Variants in SPEG observed in about 807,000 individuals in gnomAD.
The protein encoded by SPEG is striated muscle preferentially expressed protein kinase.
In SPEG, 114 loss-of-function variants were observed where a neutral mutation model predicts 300.4. That is an observed-to-expected ratio of 0.38 (90% CI 0.33 to 0.44). SPEG has a LOEUF of 0.44. SPEG is among the 20% of genes least tolerant of loss of function. The pLI is 1.00. For missense variants in SPEG, 4,201 were observed against 4,586.2 expected (o/e 0.92, Z 2.43); for synonymous variants, 1,964 against 2,018.9 (o/e 0.97, Z 0.73).
chr2:219,483,483 G>A lies in SPEG; in HGVS notation c.6020G>A (p.Arg2007Gln), dbSNP rs747077634. 7.6e-6 allele frequency: 11 copies of A among 1,453,884 alleles called. No individual in the cohort carries two copies. The highest frequency in any genetic ancestry group is 4.2e-5 in the South Asian group (3 of 71,362). The allele number at this position is 1,453,884 out of a possible 1,614,324, so 90.1% of individuals were successfully genotyped here. The change falls in exon 30 of 41, where the codon CGG becomes CAG. Residue 2007 changes from arginine (R) to glutamine (Q), a missense_variant. Physicochemically the swap from Arg to Gln is conservative, Grantham distance 43. Coordinates refer to ENST00000312358, the MANE Select transcript of SPEG (RefSeq NM_005876.5). ...QEPAAGASPR[R>Q]GELRRGSSAE... The stretch of plus-strand genomic sequence containing the variant: ...CCCGCAGCTGGGGCTAGCCCCAGGC[G>A]GGGAGAGCTCCGCAGGGGCAGCTCG...
At chr2:219,449,354 C>CG (rs1431938057) in intron 4 of SPEG, 83 bp downstream of exon 4, 13 of 1,131,552 alleles carry the variant, frequency 1.1e-5, no homozygotes, top group Middle Eastern at 6.4e-4. Flanking sequence ...CAGCAGGAGC[C>CG]GGGGGGTCGG....
At position 219,445,079 on chromosome 2, in the gene SPEG, T is replaced by A; in HGVS notation, c.733T>A (p.Ser245Thr). 1 of 1,604,806 alleles carries A rather than the reference T, an allele frequency of 6.2e-7. No homozygotes were observed. Among genetic ancestry groups the A allele is most frequent in the African/African-American group, 1.3e-5 (1 of 74,686 alleles). Reference protein sequence around the residue: ...RANLVGASWGSEDSLSVASDL... With the variant: ...RANLVGASWGTEDSLSVASDL... The stretch of plus-strand genomic sequence containing the variant: ...TAATCTGGTGGGCGCAAGCTGGGGG[T>A]CAGAGGATAGCCTTTCCGTGGCCAG... The change falls in exon 3 of 41, where the codon TCA becomes ACA. Residue 245 changes from serine (S) to threonine (T), a missense_variant. Around this residue, in one of 4 missense-constraint regions of SPEG, gnomAD observed 1,258 missense variants for 1,293.9 expected, o/e 0.97. Coordinates refer to ENST00000312358, the MANE Select transcript of SPEG (RefSeq NM_005876.5). This position sits in a 1 kb window ranked among gnomAD's most constrained non-coding sequence, Gnocchi z 6.1.
In SPEG at chr2:219,484,299, T is replaced by C; in HGVS notation, c.6836T>C (p.Phe2279Ser). 1 of 1,606,428 alleles carries C rather than the reference T, an allele frequency of 6.2e-7. No homozygotes were observed. The highest frequency in any genetic ancestry group is 8.5e-7 in the Non-Finnish European group (1 of 1,179,168). The change falls in exon 30 of 41, where the codon TTT becomes TCT. Residue 2279 changes from phenylalanine to serine, a missense_variant. Physicochemically the swap from Phe to Ser is radical, Grantham distance 155. Around this residue, in one of 4 missense-constraint regions of SPEG, gnomAD observed 1,578 missense variants for 1,506.0 expected, o/e 1.05. Transcript: ENST00000312358. ...GAGCCCAAGCCCCACGCTGCTGTCT[T>C]TGCCAGGGTGGCCTCCCCACCTCCG... ...PSEPKPHAAVFARVASPPPGA... is the reference protein window; with the variant it reads ...PSEPKPHAAVSARVASPPPGA...
chr2:219,451,026 C>A lies in SPEG; in HGVS notation c.2114-110C>A. On this transcript the variant is annotated intron_variant, in intron 4 of 40. Transcript: ENST00000312358. The surrounding 1 kb of genome is among the most constrained non-coding windows in gnomAD (Gnocchi z 6.4). ...CCCCAAGTCCCTGCTTTCTAGAAGC[C>A]CCTCTGTCTGGGTTTGGCTTTCTAG... 8.9e-7 allele frequency: 1 copy of A among 1,124,678 alleles called. No individual in the cohort carries two copies. Among genetic ancestry groups the A allele is most frequent in the Non-Finnish European group, 1.2e-6 (1 of 816,806 alleles). The allele number at this position is 1,124,678 out of a possible 1,614,324, so 69.7% of individuals were successfully genotyped here. A position where few individuals can be genotyped will look rare whatever the true frequency, so the allele number is the denominator to read the frequency against.
At position 219,479,938 on chromosome 2, in the gene SPEG, C is replaced by T; in HGVS notation, c.5164-24C>T. On this transcript the variant is annotated intron_variant, in intron 24 of 40. Coordinates refer to ENST00000312358, the MANE Select transcript of SPEG (RefSeq NM_005876.5). This position sits in a 1 kb window ranked among gnomAD's most constrained non-coding sequence, Gnocchi z 5.5. The stretch of plus-strand genomic sequence containing the variant: ...CATCCTTCCTTGTTCATTTGGCCCG[C>T]ACACCTCGCCTTGTGTCTTCCAGCC... The T allele has an allele frequency of 6.2e-7, 1 of 1,614,172 alleles. No homozygotes were observed. Among genetic ancestry groups the T allele is most frequent in the Non-Finnish European group, 8.5e-7 (1 of 1,180,016 alleles).
chr2:219,472,756 G>A lies in SPEG; in HGVS notation c.3941-134G>A, dbSNP rs73087212. 8.6e-4 allele frequency: 603 copies of A among 705,240 alleles called. 3 individuals are homozygous for A. In the African/African-American group the frequency reaches 9.7e-3, roughly 11 times the overall value. 43.7% of individuals were successfully genotyped at this position (705,240 alleles called of 1,614,324 possible). Reference sequence around the variant, plus strand: ...TGGGCAAGAGCAGATGGGGGGACAGGCAGGAAGCAACAGCAGAGACTGAGG... The same window carrying A: ...TGGGCAAGAGCAGATGGGGGGACAGACAGGAAGCAACAGCAGAGACTGAGG... On this transcript the variant is annotated intron_variant, in intron 15 of 40. Coordinates refer to ENST00000312358, the MANE Select transcript of SPEG (RefSeq NM_005876.5).
Position 219,444,327 on chromosome 2 carries a change from G to A in SPEG, c.389-326G>A, listed in dbSNP as rs1689129123. Among the ~76,000 whole-genome samples the A allele has an allele frequency of 6.6e-6, 1 of 152,190 alleles. No individual in the cohort carries two copies. The highest frequency in any genetic ancestry group is 1.5e-5 in the Non-Finnish European group (1 of 68,042). On this transcript the variant is annotated intron_variant, in intron 1 of 40. Transcript: ENST00000312358. The surrounding 1 kb of genome is among the most constrained non-coding windows in gnomAD (Gnocchi z 7.8). ...CTGCACAGGGGCTTAAGCTTTCACT[G>A]ACAAGGGGAGGAGGGAGAAGGGAGG...
rs1414401374 is a variant in SPEG, at chr2:219,490,562, G to A, written c.9075G>A (p.Leu3025=). The change falls in exon 37 of 41, where the codon CTG becomes CTA. Residue 3025 remains leucine, a synonymous_variant. Coordinates refer to ENST00000312358, the MANE Select transcript of SPEG (RefSeq NM_005876.5). ...RTLHHERIMS[L]HEAYITPRYL... ...TGCACCACGAGCGGATCATGTCCCTGCACGAGGCCTACATCACCCCTCGGT... is the reference window on the plus strand; with the variant it reads ...TGCACCACGAGCGGATCATGTCCCTACACGAGGCCTACATCACCCCTCGGT... The A allele has an allele frequency of 1.2e-6, 2 of 1,613,822 alleles. No homozygotes were observed. Among genetic ancestry groups the A allele is most frequent in the Admixed American group, 1.7e-5 (1 of 60,010 alleles).
At chr2:219,475,466 A>C (rs1692251468) in intron 18 of SPEG, among the ~76,000 whole-genome samples, 1 of 152,194 alleles carries the variant, frequency 6.6e-6, no homozygotes, top group South Asian at 2.1e-4. Flanking sequence ...GGCGTCTGTG[A>C]AGTGGAAGAT....
Position 219,473,960 on chromosome 2 carries a change from C to T in SPEG, c.4447+57C>T, listed in dbSNP as rs1692121124. On this transcript the variant is annotated intron_variant, in intron 18 of 40. Transcript: ENST00000312358. This position sits in a 1 kb window ranked among gnomAD's most constrained non-coding sequence, Gnocchi z 4.6. The stretch of plus-strand genomic sequence containing the variant: ...CCTCCAAGGCCCAAAGCTCTCTACT[C>T]ACACCCCCAGGTACACAACCTGCCT... 1.3e-6 allele frequency: 2 copies of T among 1,543,674 alleles called. No individual in the cohort carries two copies. The highest frequency in any genetic ancestry group is 1.8e-5 in the Admixed American group (1 of 56,748).
At chr2:219,474,052 C>T (rs1394224487) in intron 18 of SPEG, 149 bp downstream of exon 18, 3 of 720,082 alleles carry the variant, frequency 4.2e-6, no homozygotes, top group South Asian at 4.0e-5. Flanking sequence ...TATACAAATA[C>T]CATATTAGTA....
At position 219,483,680 on chromosome 2, in the gene SPEG, C is replaced by A. The variant is rs936792240; in HGVS notation, c.6217C>A (p.Arg2073=). The A allele has an allele frequency of 1.3e-6, 2 of 1,533,954 alleles. No homozygotes were observed. The highest frequency in any genetic ancestry group is 1.7e-6 in the Non-Finnish European group (2 of 1,146,756). Residue 2073 remains arginine (R), a synonymous_variant, in exon 30 of 41, where the codon CGG becomes AGG. Transcript: ENST00000312358. ...YAQRLQALRQ[R]LLRGGPEDGK... is the part of the protein sequence containing the mutation. ...CCAGAGGCTGCAGGCCCTGCGCCAG[C>A]GGCTGCTGCGGGGAGGCCCCGAGGA...
At position 219,435,334 on chromosome 2, in the gene SPEG, C is replaced by A; in HGVS notation, c.357C>A (p.Cys119Ter). ...AGAACGAGCGGGGCCGGGCCTCCTG[C>A]GAGGCGGTGCTCACAGTGCTGGAGG... is the stretch of plus-strand genomic sequence containing the variant. ...MAQNERGRAS[C>*]EAVLTVLEVG... is the part of the protein sequence containing the mutation. The change falls in exon 1 of 41, where the codon TGC becomes TGA. Residue 119 changes from cysteine to a stop codon, truncating the protein, a stop_gained. Transcript: ENST00000312358. LOFTEE classifies it high-confidence loss of function. 3 of 1,538,326 alleles carry A rather than the reference C, an allele frequency of 2.0e-6. No homozygotes were observed. The highest frequency in any genetic ancestry group is 1.7e-6 in the Non-Finnish European group (2 of 1,149,624).
Position 219,451,677 on chromosome 2 carries a change from C to T in SPEG, c.2310C>T (p.Leu770=). The T allele has an allele frequency of 6.3e-7, 1 of 1,586,954 alleles. No individual in the cohort carries two copies. The highest frequency in any genetic ancestry group is 8.6e-7 in the Non-Finnish European group (1 of 1,168,484). Residue 770 remains leucine (L), a synonymous_variant, in exon 6 of 41, where the codon CTC becomes CTT. Coordinates refer to ENST00000312358, the MANE Select transcript of SPEG (RefSeq NM_005876.5). This position sits in a 1 kb window ranked among gnomAD's most constrained non-coding sequence, Gnocchi z 6.4. ...SALRSEGRLL[L]RAEGERHTLL... ...TGCGCAGCGAGGGCCGCCTCCTCCT[C>T]CGGGCTGAGGGTGAGCGGCACACCC...
At position 219,483,501 on chromosome 2, in the gene SPEG, G is replaced by A. The variant is rs1385076556; in HGVS notation, c.6038G>A (p.Gly2013Asp). The change falls in exon 30 of 41, where the codon GGC (glycine) becomes GAC (aspartate). Residue 2013 changes from glycine (G) to aspartate (D), a missense_variant. Physicochemically the swap from Gly to Asp is moderately conservative, Grantham distance 94. This residue lies in a region of SPEG where 1,578 missense variants were observed against 1,506.0 expected (regional missense o/e 1.05). Transcript: ENST00000312358. ...ASPRRGELRR[G>D]SSAESALPRA... ...CCCAGGCGGGGAGAGCTCCGCAGGG[G>A]CAGCTCGGCTGAGAGCGCCCTGCCC... The A allele has an allele frequency of 7.0e-7, 1 of 1,427,160 alleles. No individual in the cohort carries two copies. The highest frequency in any genetic ancestry group is 2.7e-5 in the East Asian group (1 of 36,636). 88.4% of individuals were successfully genotyped at this position (1,427,160 alleles called of 1,614,324 possible).
chr2:219,476,829 C>T, intron 18 of SPEG, 41 bp from the exon 19 acceptor site: 1 of 1,527,214 alleles, frequency 6.5e-7, no homozygotes, highest in South Asian at 1.1e-5. Context: ...AAGCCAGCCC[C>T]TAGCCCCTTC....
At chr2:219,467,559 G>A (rs1691487454) in intron 10 of SPEG, 125 bp downstream of exon 10, 5 of 1,150,250 alleles carry the variant, frequency 4.3e-6, no homozygotes, top group Non-Finnish European at 6.1e-6. Context: ...GGGGAGGGTG[G>A]GAGCTAGTAC....
In SPEG at chr2:219,481,666, C is replaced by T. The variant is rs1251020282; in HGVS notation, c.5551C>T (p.His1851Tyr). Residue 1851 changes from histidine to tyrosine, a missense_variant, in exon 28 of 41, where the codon CAT becomes TAT. Around this residue, in one of 4 missense-constraint regions of SPEG, gnomAD observed 1,047 missense variants for 1,356.8 expected, o/e 0.77. Transcript: ENST00000312358. The surrounding 1 kb of genome is among the most constrained non-coding windows in gnomAD (Gnocchi z 5.4). ...LRPTAEETLE[H>Y]PWFKTQAKGA... ...ACCTACCGCAGAAGAGACCCTAGAA[C>T]ATCCTTGGTTCAAAGTGAGTCTAGT... 3 of 1,614,038 alleles carry T rather than the reference C, an allele frequency of 1.9e-6. No homozygotes were observed. Among genetic ancestry groups the T allele is most frequent in the African/African-American group, 1.3e-5 (1 of 74,928 alleles).
At chr2:219,465,954 T>G in intron 9 of SPEG, 1 of 963,658 alleles carries the variant, frequency 1.0e-6, no homozygotes, top group Non-Finnish European at 1.6e-6. Flanking sequence ...TGCGTGCATG[T>G]GTGCGTGTGC....
Sources: allele counts gnomAD v4.1 joint callset (sites outside exome capture counted in the v4.1 genomes callset), GRCh38; gene constraint gnomAD v4.1.1; regional missense constraint gnomAD v4.1.1; non-coding constraint Gnocchi (gnomAD v3.1); transcripts MANE v1.5; gene names NCBI Gene and HGNC (gene_info 2026-07-23, HGNC 2026-07-21).